SPATS2L: variants seen among roughly 807,000 people sequenced by gnomAD.
The protein encoded by SPATS2L is SPATS2-like protein.
SPATS2L carries 30 observed loss-of-function variants against 59.6 expected under a neutral mutation model. The observed-to-expected ratio is 0.50, with a 90% CI of 0.38 to 0.68. The LOEUF (loss-of-function observed/expected upper bound fraction) is 0.68, where lower values mean the gene tolerates loss of function less well. Among genes scored for constraint, SPATS2L ranks in the 30% least tolerant of loss-of-function variants. The pLI is 0.00. For synonymous variants in SPATS2L, 252 were observed against 263.5 expected (o/e 0.96, Z 0.42); for missense variants, 615 against 700.0 (o/e 0.88, Z 1.37).
chr2:200,351,076 C>A, intron 2 of SPATS2L: 1 of 358,614 alleles, frequency 2.8e-6, no homozygotes, highest in South Asian at 2.1e-5. Context: ...AAGTTAACCT[C>A]ACAGCATGGT....
chr2:200,443,370 A>G (rs2084823928), intron 8 of SPATS2L, among the ~76,000 whole-genome samples: 1 of 152,174 alleles, frequency 6.6e-6, no homozygotes, highest in Non-Finnish European at 1.5e-5. Context: ...CATTAGAGAA[A>G]ACTTTGAGTG....
chr2:200,475,195 G>A (rs570025515), intron 12 of SPATS2L, among the ~76,000 whole-genome samples: 33 of 152,296 alleles, frequency 2.2e-4, no homozygotes, highest in Admixed American at 4.6e-4. Flanking sequence ...CCAGAGATAG[G>A]AAAAGACAGT....
At chr2:200,352,726 C>T (rs1392803289) in intron 2 of SPATS2L, among the ~76,000 whole-genome samples, 1 of 152,138 alleles carries the variant, frequency 6.6e-6, no homozygotes, top group African/African-American at 2.4e-5. Flanking sequence ...GCTCTGCAGA[C>T]AATTGCTTTC....
intron 1 of SPATS2L, 90 bp from the exon 2 acceptor site, chr2:200,329,341 C>G: frequency 1.9e-6 from 2 of 1,074,298 alleles, no homozygotes; most frequent in Non-Finnish European, 2.8e-6. Flanking sequence ...ACTCCAGATC[C>G]TGTGCTTGGG....
At chr2:200,439,044 T>C in intron 6 of SPATS2L, 78 bp from the exon 7 acceptor site, 1 of 1,269,024 alleles carries the variant, frequency 7.9e-7, no homozygotes, top group Non-Finnish European at 1.1e-6. Context: ...AAAACAAAAA[T>C]CTTGGCATCC....
intron 2 of SPATS2L, among the ~76,000 whole-genome samples, chr2:200,336,475 G>C (rs2080146686): frequency 6.6e-6 from 1 of 152,086 alleles, no homozygotes; most frequent in African/African-American, 2.4e-5. Context: ...TATTTCAAAG[G>C]CTACTTACTG....
At chr2:200,333,837 A>AT (rs2080043531) in intron 2 of SPATS2L, among the ~76,000 whole-genome samples, 1 of 152,038 alleles carries the variant, frequency 6.6e-6, no homozygotes, top group African/African-American at 2.4e-5. Flanking sequence ...TGAACTCATC[A>AT]TTTTTTATGG....
intron 2 of SPATS2L, among the ~76,000 whole-genome samples, chr2:200,385,272 A>G (rs966543562): frequency 2.0e-5 from 3 of 152,242 alleles, no homozygotes; most frequent in Non-Finnish European, 4.4e-5. Flanking sequence ...GGGCTTACCT[A>G]GAAGTCTGCA....
At chr2:200,415,786 A>G (rs757019846) in intron 4 of SPATS2L, among the ~76,000 whole-genome samples, 2 of 152,142 alleles carry the variant, frequency 1.3e-5, no homozygotes, top group Non-Finnish European at 2.9e-5. Flanking sequence ...CTGGGGCCCA[A>G]CTTTTCACTT....
intron 6 of SPATS2L, among the ~76,000 whole-genome samples, chr2:200,433,138 C>T (rs1347692): frequency 0.42 from 63,651 of 152,098 alleles, 15,429 homozygotes; most frequent in Non-Finnish European, 0.54. Flanking sequence ...AAAGATATAA[C>T]ACCTCTAAAT....
chr2:200,402,754 A>T (rs1234630205), intron 3 of SPATS2L, among the ~76,000 whole-genome samples: 1 of 152,256 alleles, frequency 6.6e-6, no homozygotes, highest in Non-Finnish European at 1.5e-5. Context: ...AGGTATTAAA[A>T]GATTAATTTC....
At chr2:200,312,682 C>A (rs1206957773) in intron 1 of SPATS2L, among the ~76,000 whole-genome samples, 1 of 152,166 alleles carries the variant, frequency 6.6e-6, no homozygotes, top group East Asian at 1.9e-4. Flanking sequence ...GGTTGAGTAG[C>A]TAGTAATTTG....
intron 11 of SPATS2L, 132 bp from the exon 12 acceptor site, chr2:200,472,700 T>G (rs896011384): frequency 1.3e-6 from 1 of 769,020 alleles, no homozygotes; most frequent in Non-Finnish European, 2.1e-6. Flanking sequence ...ATAACATCTT[T>G]CAAAAGAAAA....
chr2:200,344,762 C>T (rs1252070897), intron 2 of SPATS2L, among the ~76,000 whole-genome samples: 2 of 152,160 alleles, frequency 1.3e-5, no homozygotes, highest in African/African-American at 4.8e-5. Context: ...AATAGCCATT[C>T]TGACTGATGT....
intron 11 of SPATS2L, among the ~76,000 whole-genome samples, chr2:200,471,302 C>T (rs1044352470): frequency 6.6e-6 from 1 of 152,108 alleles, no homozygotes; most frequent in African/African-American, 2.4e-5. Flanking sequence ...AAGAATCTAC[C>T]TATTTGCCAT....
At chr2:200,390,253 T>C (rs1398403126) in intron 3 of SPATS2L, 1 of 152,174 alleles carries the variant, frequency 6.6e-6, no homozygotes, top group African/African-American at 2.4e-5. Flanking sequence ...AGCAACAGGG[T>C]AATAGACCCA....
At chr2:200,306,946 C>G (rs1435699936) in intron 1 of SPATS2L, 24 bp downstream of exon 1, 14 of 982,588 alleles carry the variant, frequency 1.4e-5, no homozygotes, top group Admixed American at 6.2e-5. Context: ...CCCCTCCACG[C>G]CGGGCCGGCT....
intron 11 of SPATS2L, among the ~76,000 whole-genome samples, chr2:200,471,706 T>G: frequency 6.6e-6 from 1 of 152,120 alleles, no homozygotes; most frequent in Non-Finnish European, 1.5e-5. Context: ...CTGGTCACAT[T>G]TGGACAGCCC....
upstream of SPATS2L, chr2:200,306,435 G>A (rs2079013107): frequency 1.0e-6 from 1 of 1,002,292 alleles, no homozygotes; most frequent in Non-Finnish European, 1.2e-6. Context: ...AAGCTGTACT[G>A]GGATTCTTCT....
Sources: gnomAD v4.1 joint callset for allele counts (sites outside exome capture counted in the v4.1 genomes callset) on GRCh38, gnomAD v4.1.1 for gene constraint, MANE v1.5 for transcripts, NCBI Gene and HGNC (gene_info 2026-07-23, HGNC 2026-07-21) for gene names.